C11orf65: variants seen among roughly 807,000 people sequenced by gnomAD.
C11orf65 encodes the protein chromosome 11 open reading frame 65.
C11orf65 carries 38 observed loss-of-function variants against 35.3 expected under a neutral mutation model. The observed-to-expected ratio is 1.08, with a 90% CI of 0.83 to 1.41. C11orf65 has a LOEUF of 1.41. Among genes scored for constraint, C11orf65 ranks in the 40% most tolerant of loss-of-function variants. C11orf65 has a pLI of 0.00. For missense variants in C11orf65, 370 were observed against 367.1 expected, an observed-to-expected ratio of 1.01 and a Z score of -0.06; for synonymous variants, 105 against 114.4, an observed-to-expected ratio of 0.92 and a Z score of 0.53.
chr11:108,312,658 G>C (rs1035658754), intron 6 of C11orf65, among the ~76,000 whole-genome samples: 1 of 145,222 alleles, frequency 6.9e-6, no homozygotes, highest in Non-Finnish European at 1.5e-5. Context: ...TTAAGCCTTA[G>C]AGTAGACAGA....
At chr11:108,442,270 T>G (rs2093166829) in intron 2 of C11orf65, among the ~76,000 whole-genome samples, 1 of 151,928 alleles carries the variant, frequency 6.6e-6, no homozygotes, top group East Asian at 1.9e-4. Context: ...AAGAGAAGTT[T>G]AGAGAAAAAA....
At chr11:108,310,644 A>G (rs1240614669) in intron 6 of C11orf65, among the ~76,000 whole-genome samples, 1 of 152,116 alleles carries the variant, frequency 6.6e-6, no homozygotes, top group African/African-American at 2.4e-5. Context: ...ATATTTTTCA[A>G]ATGATTAAAT....
chr11:108,456,690 T>C (rs1021905798), intron 2 of C11orf65, among the ~76,000 whole-genome samples: 1 of 151,404 alleles, frequency 6.6e-6, no homozygotes, highest in East Asian at 1.9e-4. Context: ...GGCAGGAGGA[T>C]TGCTTGAGCC....
At chr11:108,449,454 C>G (rs1376421252) in intron 2 of C11orf65, among the ~76,000 whole-genome samples, 2 of 151,952 alleles carry the variant, frequency 1.3e-5, no homozygotes, top group East Asian at 1.9e-4. Flanking sequence ...ATCAATGGAG[C>G]AGAACAGAGT....
chr11:108,467,826 T>G (rs374998062), upstream of C11orf65, among the ~76,000 whole-genome samples: 32 of 152,268 alleles, frequency 2.1e-4, 1 homozygote, highest in East Asian at 5.8e-3. Flanking sequence ...TCTATTAATT[T>G]TTGTAAAATT....
rs151300844 is a variant in C11orf65 at position 108,351,270 on chromosome 11, G to A, written c.227-15978C>T. On this transcript the variant is annotated intron_variant, in intron 2 of 3. Coordinates refer to the C11orf65 transcript ENST00000524755. ...AGAGGTGATTAGTGACTGGTAGGAG[G>A]GACTGAAAGGGGGCCTCTGGAATGC... Among the ~76,000 whole-genome samples, 1,211 of 152,190 alleles carry A rather than the reference G, an allele frequency of 8.0e-3. 8 individuals carry two copies. Among genetic ancestry groups the A allele is most frequent in the African/African-American group, 0.025 (1,035 of 41,528 alleles).
downstream of C11orf65, among the ~76,000 whole-genome samples, chr11:108,379,397 A>G (rs1300663009): frequency 1.4e-5 from 2 of 148,110 alleles, no homozygotes; most frequent in Non-Finnish European, 3.0e-5. Context: ...AACACCGCAT[A>G]TTCTCACTCA....
At chr11:108,387,475 C>T (rs936378593) in intron 7 of C11orf65, among the ~76,000 whole-genome samples, 4 of 152,086 alleles carry the variant, frequency 2.6e-5, no homozygotes, top group African/African-American at 9.7e-5. Flanking sequence ...CTTCTGTCAA[C>T]CCTGTGCTCC....
At chr11:108,447,209 C>T (rs1467977705) in intron 2 of C11orf65, among the ~76,000 whole-genome samples, 3 of 152,090 alleles carry the variant, frequency 2.0e-5, no homozygotes, top group East Asian at 1.9e-4. Context: ...CCACTGTCAA[C>T]ATTAGACAGA....
chr11:108,468,229 A>G (rs2093559254), upstream of C11orf65, among the ~76,000 whole-genome samples: 1 of 152,236 alleles, frequency 6.6e-6, no homozygotes, highest in Non-Finnish European at 1.5e-5. Context: ...AAGGTCAAAG[A>G]ATACGTGACT....
At chr11:108,402,611 A>G (rs187063812) in intron 6 of C11orf65, among the ~76,000 whole-genome samples, 47 of 152,046 alleles carry the variant, frequency 3.1e-4, no homozygotes, top group Admixed American at 4.6e-4. Context: ...ACAATAAACT[A>G]CACATATTTA....
chr11:108,419,579 G>A (rs2092786402), intron 3 of C11orf65, among the ~76,000 whole-genome samples: 1 of 152,184 alleles, frequency 6.6e-6, no homozygotes. Flanking sequence ...GCCCACACCT[G>A]TGGTCCCAGC....
chr11:108,429,684 T>G (rs976601640), intron 3 of C11orf65, among the ~76,000 whole-genome samples: 5 of 152,202 alleles, frequency 3.3e-5, no homozygotes, highest in African/African-American at 1.2e-4. Flanking sequence ...AAAGAGATAT[T>G]TGTATAACCA....
intron 2 of C11orf65, among the ~76,000 whole-genome samples, chr11:108,354,248 A>G (rs1458736781): frequency 6.6e-6 from 1 of 152,168 alleles, no homozygotes; most frequent in African/African-American, 2.4e-5. Flanking sequence ...CCCATGTAAC[A>G]TACATACTGT....
At chr11:108,356,165 A>G (rs1274613337) in intron 2 of C11orf65, 1 of 152,256 alleles carries the variant, frequency 6.6e-6, no homozygotes, top group East Asian at 1.9e-4. Flanking sequence ...TTTTAAAAAA[A>G]TAATACATGG....
At chr11:108,360,802 TAATAAG>T in intron 2 of C11orf65, among the ~76,000 whole-genome samples, 1 of 103,832 alleles carries the variant, frequency 9.6e-6, no homozygotes, top group South Asian at 3.7e-4. Context: ...TATTTCAAAA[TAATAAG>T]AGCTATCTAT....
chr11:108,419,013 T>C (rs1453149855), intron 3 of C11orf65, among the ~76,000 whole-genome samples: 1 of 152,194 alleles, frequency 6.6e-6, no homozygotes, highest in Non-Finnish European at 1.5e-5. Flanking sequence ...TGGAAAAAAC[T>C]TCTGGCACAG....
At chr11:108,429,699 T>C (rs2092957909) in intron 3 of C11orf65, among the ~76,000 whole-genome samples, 1 of 152,206 alleles carries the variant, frequency 6.6e-6, no homozygotes, top group South Asian at 2.1e-4. Context: ...TAACCATTTA[T>C]AGAAGCATTA....
intron 2 of C11orf65, among the ~76,000 whole-genome samples, chr11:108,364,034 C>T (rs888973096): frequency 4.6e-5 from 7 of 152,140 alleles, no homozygotes; most frequent in African/African-American, 1.7e-4. Context: ...GGACAAGCTA[C>T]ATGTAATCAA....
Sources: allele counts gnomAD v4.1 joint callset (sites outside exome capture counted in the v4.1 genomes callset), GRCh38; gene constraint gnomAD v4.1.1; transcripts MANE v1.5; gene names NCBI Gene and HGNC (gene_info 2026-07-23, HGNC 2026-07-21).